Variants in PHF21B observed in about 807,000 individuals in gnomAD.
PHF21B encodes PHD finger protein 21B.
In PHF21B, 22 loss-of-function variants were observed where a neutral mutation model predicts 62.2. The observed-to-expected ratio is 0.35, with a 90% CI of 0.25 to 0.51. The LOEUF is 0.51. Among genes scored for constraint, PHF21B ranks in the 20% least tolerant of loss-of-function variants. PHF21B has a pLI of 0.97. For missense variants in PHF21B, 701 were observed against 707.9 expected (o/e 0.99, Z 0.11); for synonymous variants, 341 against 314.7 (o/e 1.08, Z -0.88).
chr22:44,956,775 T>G (rs2072306346), intron 2 of PHF21B, among the ~76,000 whole-genome samples: 1 of 152,052 alleles, frequency 6.6e-6, no homozygotes, highest in South Asian at 2.1e-4. Context: ...GGAATCCACT[T>G]TGGAAACAGA....
intron 2 of PHF21B, among the ~76,000 whole-genome samples, chr22:44,959,327 T>G (rs941086089): frequency 2.0e-5 from 3 of 152,234 alleles, no homozygotes; most frequent in Non-Finnish European, 4.4e-5. Flanking sequence ...GATTCACGCC[T>G]TAACTACGGG....
intron 10 of PHF21B, among the ~76,000 whole-genome samples, chr22:44,886,688 CAA>C (rs1171261781): frequency 7.1e-6 from 1 of 140,368 alleles, no homozygotes; most frequent in African/African-American, 2.6e-5. Flanking sequence ...CCCTGTCTAC[CAA>C]AAAAAAAAAA....
At chr22:45,007,480 T>C (rs2073339936) in intron 2 of PHF21B, among the ~76,000 whole-genome samples, 3 of 143,176 alleles carry the variant, frequency 2.1e-5, no homozygotes, top group African/African-American at 7.8e-5. Flanking sequence ...GCTGTCCAAG[T>C]TTGGCGCTGG....
chr22:44,960,693 C>A (rs2072400768), intron 2 of PHF21B, among the ~76,000 whole-genome samples: 1 of 152,200 alleles, frequency 6.6e-6, no homozygotes, highest in African/African-American at 2.4e-5. Context: ...GTGGCCCTCA[C>A]CAGTGAATGA....
chr22:44,980,661 TGC>T (rs2072824520), intron 2 of PHF21B, among the ~76,000 whole-genome samples: 1 of 152,216 alleles, frequency 6.6e-6, no homozygotes, highest in African/African-American at 2.4e-5. Context: ...GTCAAGCCAC[TGC>T]CTCCCCCAAG....
chr22:44,977,632 G>A (rs768414595), intron 2 of PHF21B, among the ~76,000 whole-genome samples: 3 of 151,852 alleles, frequency 2.0e-5, no homozygotes, highest in South Asian at 2.1e-4. Flanking sequence ...AGGCTGGAGT[G>A]CAGTGGCATA....
intron 2 of PHF21B, among the ~76,000 whole-genome samples, chr22:44,955,125 G>C (rs555252492): frequency 6.6e-6 from 1 of 152,180 alleles, no homozygotes; most frequent in African/African-American, 2.4e-5. Context: ...AGAAGTCAGC[G>C]GTCATGCTGT....
chr22:44,965,308 C>T (rs2072503531), intron 2 of PHF21B, among the ~76,000 whole-genome samples: 1 of 152,016 alleles, frequency 6.6e-6, no homozygotes, highest in Non-Finnish European at 1.5e-5. Flanking sequence ...CAGCCTCTTC[C>T]CCTCTGCACA....
intron 5 of PHF21B, among the ~76,000 whole-genome samples, chr22:44,897,109 G>A (rs2071075164): frequency 6.6e-6 from 1 of 151,878 alleles, no homozygotes; most frequent in Non-Finnish European, 1.5e-5. Flanking sequence ...GAACTCCTGG[G>A]TGCAGGCCTA....
intron 2 of PHF21B, among the ~76,000 whole-genome samples, chr22:44,935,641 A>C (rs948848261): frequency 8.3e-5 from 12 of 144,758 alleles, no homozygotes; most frequent in South Asian, 4.4e-4. Flanking sequence ...CAAAAAAAAA[A>C]CAGAAGCACA....
intron 2 of PHF21B, among the ~76,000 whole-genome samples, chr22:44,951,363 G>A (rs897110474): frequency 6.6e-6 from 1 of 152,176 alleles, no homozygotes; most frequent in African/African-American, 2.4e-5. Context: ...AATCTGACAG[G>A]AGGCGGAACT....
intron 5 of PHF21B, among the ~76,000 whole-genome samples, chr22:44,896,731 C>T (rs926677656): frequency 1.3e-5 from 2 of 152,164 alleles, no homozygotes; most frequent in Non-Finnish European, 2.9e-5. Flanking sequence ...TCTTTTCACC[C>T]TCATTTCTAG....
At chr22:44,999,780 A>G (rs1449994318) in intron 2 of PHF21B, among the ~76,000 whole-genome samples, 2 of 151,934 alleles carry the variant, frequency 1.3e-5, no homozygotes, top group Non-Finnish European at 2.9e-5. Context: ...CAGGGGTGTG[A>G]TCTCAACAAG....
intron 2 of PHF21B, among the ~76,000 whole-genome samples, chr22:45,006,622 G>A (rs981586648): frequency 2.5e-4 from 38 of 152,264 alleles, no homozygotes; most frequent in Admixed American, 1.7e-3. Flanking sequence ...CAATACAGAA[G>A]AAATGATCAA....
chr22:44,886,330 C>T (rs2070857206), intron 10 of PHF21B, among the ~76,000 whole-genome samples: 1 of 143,844 alleles, frequency 7.0e-6, no homozygotes, highest in African/African-American at 2.6e-5. Flanking sequence ...GAATTCTGTT[C>T]CCTCTCCACA....
At position 44,908,318 on chromosome 22, in the gene PHF21B, T is replaced by G. The variant is rs778673392; in HGVS notation, c.831+5504A>C. ...ATGGGCTAACAACAGTCCCTTCCTG[T>G]GGGGCCTGAAACTGACCCATGTTGA... On this transcript the variant is annotated intron_variant, in intron 5 of 12. Transcript: ENST00000313237. Among the ~76,000 whole-genome samples, 3 of 152,292 alleles carry G rather than the reference T, an allele frequency of 2.0e-5. No homozygotes were observed. The East Asian group carries it at 5.8e-4, about 29-fold the overall frequency.
chr22:44,916,726 G>A, intron 3 of PHF21B, 96 bp from the exon 4 acceptor site: 1 of 1,119,544 alleles, frequency 8.9e-7, no homozygotes, highest in Non-Finnish European at 1.3e-6. Flanking sequence ...TATTCAAGGG[G>A]AAGGGGCAGC....
At chr22:44,898,158 T>C (rs1289720419) in intron 5 of PHF21B, among the ~76,000 whole-genome samples, 1 of 152,174 alleles carries the variant, frequency 6.6e-6, no homozygotes, top group Non-Finnish European at 1.5e-5. Context: ...TCATGCCTCC[T>C]TACACTCTTC....
chr22:44,962,579 G>A (rs1201796260), intron 2 of PHF21B, among the ~76,000 whole-genome samples: 1 of 152,226 alleles, frequency 6.6e-6, no homozygotes, highest in Non-Finnish European at 1.5e-5. Context: ...CACCATGATA[G>A]AGTCACAAAA....
Sources: gnomAD v4.1 joint callset for allele counts (sites outside exome capture counted in the v4.1 genomes callset) on GRCh38, gnomAD v4.1.1 for gene constraint, MANE v1.5 for transcripts, NCBI Gene and HGNC (gene_info 2026-07-23, HGNC 2026-07-21) for gene names.